The following MGAT4C variants were observed in gnomAD, a reference collection of about 807,000 sequenced individuals.
The protein encoded by MGAT4C is alpha-1,3-mannosyl-glycoprotein 4-beta-N-acetylglucosaminyltransferase C.
MGAT4C carries 19 observed loss-of-function variants against 40.1 expected under a neutral mutation model. The ratio of observed to expected loss-of-function variants is 0.47; its 90% confidence interval spans 0.33 to 0.70. MGAT4C has a LOEUF of 0.70. Among genes scored for constraint, MGAT4C ranks in the 30% least tolerant of loss-of-function variants. The pLI, the probability that MGAT4C is intolerant of heterozygous loss-of-function variation, is 0.02. For synonymous variants in MGAT4C, 181 were observed against 187.1 expected, an observed-to-expected ratio of 0.97 and a Z score of 0.27; for missense variants, 491 against 563.2, an observed-to-expected ratio of 0.87 and a Z score of 1.30.
chr12:86,719,773 C>T (rs1489965841), intron 2 of MGAT4C, among the ~76,000 whole-genome samples: 1 of 152,150 alleles, frequency 6.6e-6, no homozygotes, highest in Non-Finnish European at 1.5e-5. Context: ...GATAAAATTT[C>T]TTTAAAACTA....
At position 85,968,389 on chromosome 12, in the gene MGAT4C, G is replaced by T. The variant is rs1020572851; in HGVS notation, c.*10900C>A. On this transcript the variant is annotated 3_prime_UTR_variant, in exon 5 of 5. Transcript: ENST00000611864. Reference sequence around the variant, plus strand: ...CTAATTAATAAGGTGCATATGTCAAGACTCAGGAAAACAGATCACTTACGT... The same window carrying T: ...CTAATTAATAAGGTGCATATGTCAATACTCAGGAAAACAGATCACTTACGT... The T allele has an allele frequency of 2.0e-5, 3 of 151,926 alleles. No individual in the cohort carries two copies. Among genetic ancestry groups the T allele is most frequent in the Admixed American group, 6.6e-5 (1 of 15,208 alleles). The allele number at this position is 151,926 out of a possible 1,614,324, so 9.4% of individuals were successfully genotyped here. A position where few individuals can be genotyped will look rare whatever the true frequency, so the allele number is the denominator to read the frequency against.
chr12:86,813,260 CATT>C (rs1207957994), intron 1 of MGAT4C, among the ~76,000 whole-genome samples: 1 of 150,694 alleles, frequency 6.6e-6, no homozygotes, highest in African/African-American at 2.4e-5. Flanking sequence ...TCAATTTTAT[CATT>C]ATTTTTCCTT....
chr12:86,205,464 TA>T (rs1166643297), intron 1 of MGAT4C, among the ~76,000 whole-genome samples: 1 of 151,358 alleles, frequency 6.6e-6, no homozygotes, highest in Non-Finnish European at 1.5e-5. Flanking sequence ...TAATCAGTTG[TA>T]AAACATATAT....
At chr12:86,003,747 T>TGAAGAAGAAGAAGAAGAAGAAGAA (rs147837764) in intron 2 of MGAT4C, among the ~76,000 whole-genome samples, 10 of 151,182 alleles carry the variant, frequency 6.6e-5, no homozygotes, top group Middle Eastern at 3.4e-3. Flanking sequence ...TGAAGTTTTG[T>TGAAGAAGAAGAAGAAGAAGAAGAA]GAAGAAGAAG....
At chr12:86,642,924 T>A (rs1963433062) in intron 2 of MGAT4C, among the ~76,000 whole-genome samples, 1 of 151,720 alleles carries the variant, frequency 6.6e-6, no homozygotes, top group Non-Finnish European at 1.5e-5. Flanking sequence ...ATTTCGGGGA[T>A]GTAAAATGAT....
At chr12:86,605,939 A>T (rs937320943) in intron 2 of MGAT4C, among the ~76,000 whole-genome samples, 1 of 152,176 alleles carries the variant, frequency 6.6e-6, no homozygotes, top group African/African-American at 2.4e-5. Flanking sequence ...TAAAGGAAAG[A>T]AGTTTAATTG....
rs117159200 is a variant in MGAT4C at position 86,169,071 on chromosome 12, G to A, written c.-57+87168C>T. On this transcript the variant is annotated intron_variant, in intron 1 of 4. Transcript: ENST00000611864. ...TCAAAGTCTCTTGATAAATTCAGGC[G>A]CCAGAAGTTTTCTCAATCTCTTATT... 6.9e-3 allele frequency among the ~76,000 whole-genome samples: 1,054 copies of A among 152,122 alleles called. 6 individuals carry two copies. Among genetic ancestry groups the A allele is most frequent in the Admixed American group, 0.014 (215 of 15,268 alleles).
In MGAT4C at chr12:86,819,308, TC is replaced by T. The variant is rs556146407; in HGVS notation, c.-262+19357del. Among the ~76,000 whole-genome samples the T allele has an allele frequency of 3.0e-3, 456 of 151,070 alleles. 1 individual carries two copies. Among genetic ancestry groups the T allele is most frequent in the Non-Finnish European group, 3.3e-3 (225 of 67,168 alleles). Reference sequence around the variant, plus strand: ...AGTGGTTCATATATGATATGAATCTTCCTTTTTCTCTAAACTGTGGTGTAGT... The same window carrying T: ...AGTGGTTCATATATGATATGAATCTTCTTTTTCTCTAAACTGTGGTGTAGT... On this transcript the variant is annotated intron_variant, in intron 1 of 7. Coordinates refer to the MGAT4C transcript ENST00000548651.
intron 4 of MGAT4C, among the ~76,000 whole-genome samples, chr12:86,314,193 A>G (rs189603391): frequency 1.3e-5 from 2 of 152,178 alleles, no homozygotes; most frequent in African/African-American, 4.8e-5. Context: ...GCACAATGTA[A>G]TGAAGTTTGT....
intron 3 of MGAT4C, among the ~76,000 whole-genome samples, chr12:86,373,653 GT>G (rs57145324): frequency 0.1 from 14,911 of 143,810 alleles, 902 homozygotes; most frequent in Middle Eastern, 0.23. Context: ...AAAGAAAATA[GT>G]TTTTTTTTTT....
chr12:86,550,502 T>C (rs1959296899), intron 2 of MGAT4C, among the ~76,000 whole-genome samples: 1 of 152,192 alleles, frequency 6.6e-6, no homozygotes, highest in African/African-American at 2.4e-5. Context: ...CACAGGGTCA[T>C]CTGGAAATGA....
At chr12:86,716,404 T>G (rs1037295668) in intron 2 of MGAT4C, among the ~76,000 whole-genome samples, 2 of 152,098 alleles carry the variant, frequency 1.3e-5, no homozygotes, top group Non-Finnish European at 2.9e-5. Context: ...TTTGGTGGTG[T>G]TCATTAATCT....
chr12:86,107,394 T>A lies in MGAT4C; in HGVS notation c.-56-57671A>T, dbSNP rs1021802963. Among the ~76,000 whole-genome samples, 3 of 152,164 alleles carry A rather than the reference T, an allele frequency of 2.0e-5. No individual in the cohort carries two copies. The East Asian group carries it at 5.8e-4, about 29-fold the overall frequency. ...TGTGTTTAATTTTTAAGGAACAAGA[T>A]GATAATCCATATGTAATCCTGACAT... On this transcript the variant is annotated intron_variant, in intron 1 of 4. Transcript: ENST00000611864.
At chr12:86,465,297 T>G (rs76393134) in intron 2 of MGAT4C, among the ~76,000 whole-genome samples, 4,152 of 152,054 alleles carry the variant, frequency 0.027, 158 homozygotes, top group African/African-American at 0.087. Context: ...AGGTAAAAAC[T>G]TAAATGACCT....
At chr12:86,785,149 T>G (rs1327518432) in intron 1 of MGAT4C, among the ~76,000 whole-genome samples, 1 of 152,054 alleles carries the variant, frequency 6.6e-6, no homozygotes, top group South Asian at 2.1e-4. Flanking sequence ...TGGAGCTATT[T>G]CATGCACTAT....
intron 2 of MGAT4C, among the ~76,000 whole-genome samples, chr12:86,576,304 A>G (rs2136427826): frequency 6.6e-6 from 1 of 151,896 alleles, no homozygotes; most frequent in Middle Eastern, 3.4e-3. Context: ...TGTTGATTAT[A>G]TCCTTTGCTG....
chr12:86,065,477 G>C (rs1894448497), intron 1 of MGAT4C, among the ~76,000 whole-genome samples: 1 of 152,120 alleles, frequency 6.6e-6, no homozygotes, highest in Non-Finnish European at 1.5e-5. Flanking sequence ...TATCTCAATA[G>C]ATGCAGGAAA....
chr12:86,523,707 T>C (rs1007159412), intron 2 of MGAT4C, among the ~76,000 whole-genome samples: 2 of 152,170 alleles, frequency 1.3e-5, no homozygotes, highest in Non-Finnish European at 2.9e-5. Flanking sequence ...TCACTATTAT[T>C]GTGCAGGAGT....
intron 1 of MGAT4C, among the ~76,000 whole-genome samples, chr12:86,779,490 T>C (rs905358375): frequency 6.6e-6 from 1 of 151,938 alleles, no homozygotes; most frequent in Non-Finnish European, 1.5e-5. Context: ...TAGTCCCAGA[T>C]ACTGGGGAAG....
Sources: allele counts gnomAD v4.1 joint callset (sites outside exome capture counted in the v4.1 genomes callset), GRCh38; gene constraint gnomAD v4.1.1; transcripts MANE v1.5; gene names NCBI Gene and HGNC (gene_info 2026-07-23, HGNC 2026-07-21).